The following ZNF492 variants were observed in gnomAD, a reference collection of about 807,000 sequenced individuals.
The protein encoded by ZNF492 is zinc finger protein 492.
In ZNF492, 3 loss-of-function variants were observed where a neutral mutation model predicts 6.4. The ratio of observed to expected loss-of-function variants is 0.47; its 90% CI spans 0.21 to 1.22. ZNF492 has a LOEUF of 1.22. Among genes scored for constraint, ZNF492 ranks in the 50% most tolerant of loss-of-function variants. ZNF492 has a pLI of 0.22. For synonymous variants in ZNF492, 112 were observed against 205.3 expected, an observed-to-expected ratio of 0.55 and a Z score of 3.89; for missense variants, 356 against 612.5, an observed-to-expected ratio of 0.58 and a Z score of 4.42.
Position 22,666,058 on chromosome 19 carries a change from T to A in ZNF492, c.*793T>A, listed in dbSNP as rs1003187459. 30 of 150,638 alleles carry A rather than the reference T, an allele frequency of 2.0e-4. No homozygotes were observed. The highest frequency in any genetic ancestry group is 6.7e-4 in the African/African-American group (27 of 40,574). The allele number at this position is 150,638 out of a possible 1,614,324, so 9.3% of individuals were successfully genotyped here. The stretch of plus-strand genomic sequence containing the variant: ...TTTTAGAAAGATTACAGATTTTTTT[T>A]AAAAGTAAATAACTCTCAAATTACT... On this transcript the variant is annotated 3_prime_UTR_variant, in exon 4 of 4. Coordinates refer to ENST00000456783, the MANE Select transcript of ZNF492 (RefSeq NM_020855.3).
chr19:22,642,061 A>G (rs8112493), intron 1 of ZNF492, among the ~76,000 whole-genome samples: 29,402 of 151,938 alleles, frequency 0.19, 3,687 homozygotes, highest in African/African-American at 0.36. Context: ...CCAAAGTGCT[A>G]GGATTACAGG....
In ZNF492 at chr19:22,654,861, A is replaced by G. The variant is rs1400836975; in HGVS notation, c.130+846A>G. Among the ~76,000 whole-genome samples the G allele has an allele frequency of 3.3e-5, 5 of 150,146 alleles. No homozygotes were observed. In the East Asian group the frequency reaches 1.0e-3, roughly 31 times the overall value. On this transcript the variant is annotated intron_variant, in intron 3 of 3. Coordinates refer to ENST00000456783, the MANE Select transcript of ZNF492 (RefSeq NM_020855.3). ...CGTGATCCGCCCACCTCGGCCTCCC[A>G]GAGTGCTAGAATTACAGGCGTGACC...
At chr19:22,640,306 TG>T (rs1329775748) in intron 1 of ZNF492, among the ~76,000 whole-genome samples, 1 of 152,018 alleles carries the variant, frequency 6.6e-6, no homozygotes, top group Non-Finnish European at 1.5e-5. Flanking sequence ...GAATTACAGG[TG>T]CTTGCTACCA....
chr19:22,652,675 GT>G (rs1473534282), intron 1 of ZNF492, among the ~76,000 whole-genome samples: 1 of 151,558 alleles, frequency 6.6e-6, no homozygotes, highest in Non-Finnish European at 1.5e-5. Flanking sequence ...CGCCTCTGGG[GT>G]TCATGCCATT....
At chr19:22,638,282 T>G (rs1748466196) in intron 1 of ZNF492, among the ~76,000 whole-genome samples, 1 of 152,176 alleles carries the variant, frequency 6.6e-6, no homozygotes, top group South Asian at 2.1e-4. Flanking sequence ...TTAAAATTTT[T>G]GCCGGCTTCT....
intron 3 of ZNF492, among the ~76,000 whole-genome samples, chr19:22,662,457 G>A (rs891950291): frequency 3.9e-5 from 6 of 152,216 alleles, no homozygotes; most frequent in African/African-American, 1.4e-4. Context: ...CCAGTAATGG[G>A]ATGGCTGGCT....
intron 1 of ZNF492, among the ~76,000 whole-genome samples, 175 bp from the exon 2 acceptor site, chr19:22,653,132 A>C (rs1373806328): frequency 3.3e-5 from 5 of 151,584 alleles, no homozygotes; most frequent in African/African-American, 1.2e-4. Context: ...CTTTTCTCAG[A>C]GTTAGAGAAT....
chr19:22,658,097 C>T (rs1972014956), intron 3 of ZNF492, among the ~76,000 whole-genome samples: 1 of 152,036 alleles, frequency 6.6e-6, no homozygotes, highest in Non-Finnish European at 1.5e-5. Context: ...AAACATATAA[C>T]CTAAAATTTA....
At position 22,644,346 on chromosome 19, in the gene ZNF492, C is replaced by T. The variant is rs143357369; in HGVS notation, c.-93-8961C>T. ...ATGTGTGCCACAGTGGTTTGCTGCA[C>T]GTATTGACCCATCTTCTAGGTGCCC... On this transcript the variant is annotated intron_variant, in intron 1 of 3. Coordinates refer to ENST00000456783, the MANE Select transcript of ZNF492 (RefSeq NM_020855.3). Among the ~76,000 whole-genome samples, 249 of 152,214 alleles carry T rather than the reference C, an allele frequency of 1.6e-3. 2 individuals carry two copies. In the Middle Eastern group the frequency reaches 0.027, roughly 17 times the overall value.
chr19:22,652,867 T>C (rs1971955712), intron 1 of ZNF492, among the ~76,000 whole-genome samples: 2 of 152,116 alleles, frequency 1.3e-5, no homozygotes, highest in South Asian at 4.1e-4. Context: ...GCGTGAGCCA[T>C]CGCTCCCAGC....
At chr19:22,662,306 G>A (rs1329434623) in intron 3 of ZNF492, among the ~76,000 whole-genome samples, 1 of 152,160 alleles carries the variant, frequency 6.6e-6, no homozygotes, top group Admixed American at 6.5e-5. Context: ...GTGTATACAT[G>A]CCACATTTTC....
intron 1 of ZNF492, among the ~76,000 whole-genome samples, chr19:22,646,225 G>A (rs1380476382): frequency 1.3e-5 from 2 of 152,176 alleles, no homozygotes; most frequent in East Asian, 3.9e-4. Context: ...TCTCCTTGAA[G>A]AGGTCCTTCA....
intron 1 of ZNF492, among the ~76,000 whole-genome samples, chr19:22,644,785 A>G (rs993258662): frequency 2.0e-5 from 3 of 152,180 alleles, no homozygotes; most frequent in African/African-American, 7.2e-5. Flanking sequence ...CTGGTTCTAG[A>G]TCCTTGAGGA....
In ZNF492 at chr19:22,661,978, T is replaced by G. The variant is rs182044470; in HGVS notation, c.131-1822T>G. Among the ~76,000 whole-genome samples the G allele has an allele frequency of 2.1e-4, 32 of 152,140 alleles. No individual in the cohort carries two copies. The East Asian group carries it at 5.4e-3, about 26-fold the overall frequency. On this transcript the variant is annotated intron_variant, in intron 3 of 3. Transcript: ENST00000456783. ...CTGCTGCTGTAAAACTTACCTTTCT[T>G]ATTTATTTATTTCATTATACTTTAA... is the stretch of plus-strand genomic sequence containing the variant.
At chr19:22,645,701 G>C (rs574589581) in intron 1 of ZNF492, among the ~76,000 whole-genome samples, 2 of 152,256 alleles carry the variant, frequency 1.3e-5, no homozygotes, top group Non-Finnish European at 2.9e-5. Flanking sequence ...TTTTGTATAA[G>C]GTGTAAGGAA....
At chr19:22,657,483 T>G (rs926201060) in intron 3 of ZNF492, among the ~76,000 whole-genome samples, 1 of 152,150 alleles carries the variant, frequency 6.6e-6, no homozygotes, top group African/African-American at 2.4e-5. Context: ...TGTTTATGAT[T>G]ATACTGCATT....
intron 1 of ZNF492, among the ~76,000 whole-genome samples, chr19:22,644,377 TTGCCCCCCACTCCACAACAGGCCCTGG>T (rs1971857144): frequency 6.6e-6 from 1 of 152,126 alleles, no homozygotes; most frequent in Non-Finnish European, 1.5e-5. Flanking sequence ...TGCCCTCCCC[TTGCCCCCCACTCCACAACAGGCCCTGG>T]TGTGTGTTAT....
chr19:22,637,917 C>T (rs1388599897), intron 1 of ZNF492, among the ~76,000 whole-genome samples: 2 of 152,202 alleles, frequency 1.3e-5, no homozygotes, highest in Non-Finnish European at 2.9e-5. Flanking sequence ...TAGCCATTCT[C>T]ACTGGATGAG....
chr19:22,654,921 C>T (rs1352578362), intron 3 of ZNF492, among the ~76,000 whole-genome samples: 1 of 149,506 alleles, frequency 6.7e-6, no homozygotes, highest in Non-Finnish European at 1.5e-5. Flanking sequence ...TTTTCTATTG[C>T]TGTAAAAAAA....
Sources: gnomAD v4.1 joint callset for allele counts (sites outside exome capture counted in the v4.1 genomes callset) on GRCh38, gnomAD v4.1.1 for gene constraint, MANE v1.5 for transcripts, NCBI Gene and HGNC (gene_info 2026-07-23, HGNC 2026-07-21) for gene names.